GRM3: variants seen among roughly 807,000 people sequenced by gnomAD.
GRM3 encodes the protein glutamate metabotropic receptor 3.
A neutral mutation model predicts 70.5 loss-of-function variants in GRM3; 26 were observed. The ratio of observed to expected loss-of-function variants is 0.37; its 90% CI spans 0.27 to 0.51. GRM3 has a LOEUF of 0.51. Ranked by LOEUF, GRM3 falls within the 20% of genes least tolerant of loss-of-function variation. The pLI, the probability that GRM3 is intolerant of heterozygous loss-of-function variation, is 0.93. For synonymous variants in GRM3, 443 were observed against 434.9 expected, an observed-to-expected ratio of 1.02 and a Z score of -0.23; for missense variants, 859 against 1,123.8, an observed-to-expected ratio of 0.76 and a Z score of 3.37.
At chr7:86,684,516 C>T (rs754193176) in intron 1 of GRM3, among the ~76,000 whole-genome samples, 6 of 152,152 alleles carry the variant, frequency 3.9e-5, no homozygotes, top group Admixed American at 1.3e-4. Flanking sequence ...TTATGATTCT[C>T]GAAACTTTCA....
In GRM3 at chr7:86,717,850, C is replaced by A. The variant is rs4728650; in HGVS notation, c.-140-47156C>A. Among the ~76,000 whole-genome samples the A allele has an allele frequency of 9.8e-3, 1,495 of 151,878 alleles. 26 individuals carry two copies. The highest frequency in any genetic ancestry group is 0.052 in the East Asian group (265 of 5,134). ...ATTTCAAAAGCACGTAGGGAATATT[C>A]AGAACAGGAAGAAAACATGAAAAAG... On this transcript the variant is annotated intron_variant, in intron 1 of 5. Coordinates refer to ENST00000361669, the MANE Select transcript of GRM3 (RefSeq NM_000840.3).
At chr7:86,811,899 T>C (rs1277955633) in intron 3 of GRM3, among the ~76,000 whole-genome samples, 2 of 151,678 alleles carry the variant, frequency 1.3e-5, no homozygotes, top group Non-Finnish European at 3.0e-5. Context: ...GTGATATTTC[T>C]ATCCATGTAA....
chr7:86,783,778 T>C, intron 2 of GRM3, among the ~76,000 whole-genome samples: 1 of 152,204 alleles, frequency 6.6e-6, no homozygotes, highest in Non-Finnish European at 1.5e-5. Flanking sequence ...AATACTTCAC[T>C]CCATGATTCA....
intron 1 of GRM3, among the ~76,000 whole-genome samples, chr7:86,750,411 G>C (rs907746637): frequency 2.0e-5 from 3 of 152,032 alleles, no homozygotes; most frequent in African/African-American, 7.2e-5. Flanking sequence ...AAATGATGTA[G>C]GCTTTACTAG....
intron 2 of GRM3, among the ~76,000 whole-genome samples, chr7:86,782,555 G>C (rs1797099935): frequency 6.6e-6 from 1 of 152,106 alleles, no homozygotes; most frequent in Admixed American, 6.5e-5. Context: ...CAAAACAATA[G>C]CAATGACAAA....
chr7:86,716,193 T>C (rs1433516882), intron 1 of GRM3, among the ~76,000 whole-genome samples: 1 of 151,932 alleles, frequency 6.6e-6, no homozygotes, highest in African/African-American at 2.4e-5. Flanking sequence ...GGCTCAGGGT[T>C]TATGGTCATC....
At chr7:86,665,315 T>C (rs1793999028) in intron 1 of GRM3, among the ~76,000 whole-genome samples, 1 of 152,084 alleles carries the variant, frequency 6.6e-6, no homozygotes, top group Admixed American at 6.6e-5. Context: ...ATATACTATC[T>C]ACCTCACAAT....
intron 1 of GRM3, among the ~76,000 whole-genome samples, chr7:86,680,076 C>T (rs900255841): frequency 6.6e-6 from 1 of 152,084 alleles, no homozygotes; most frequent in Non-Finnish European, 1.5e-5. Context: ...TCTGACTGTC[C>T]TTTGCAGTAT....
chr7:86,833,052 G>C (rs1798385154), intron 3 of GRM3: 2 of 976,826 alleles, frequency 2.0e-6, no homozygotes, highest in Non-Finnish European at 2.4e-6. Flanking sequence ...TGCAACACCA[G>C]TGAAAGGTGA....
intron 3 of GRM3, among the ~76,000 whole-genome samples, chr7:86,824,726 A>G (rs1798196546): frequency 6.6e-6 from 1 of 152,232 alleles, no homozygotes; most frequent in Non-Finnish European, 1.5e-5. Flanking sequence ...TTGGATGTTA[A>G]CAATGCCCCA....
chr7:86,822,348 T>C (rs1798139864), intron 3 of GRM3, among the ~76,000 whole-genome samples: 1 of 151,910 alleles, frequency 6.6e-6, no homozygotes, highest in Non-Finnish European at 1.5e-5. Flanking sequence ...AAAAAATATA[T>C]AATGTGAGAG....
intron 1 of GRM3, among the ~76,000 whole-genome samples, chr7:86,679,455 C>T (rs1175722833): frequency 2.6e-5 from 4 of 152,058 alleles, no homozygotes; most frequent in Non-Finnish European, 2.9e-5. Context: ...TAGCTAAAAT[C>T]GTTCTGGGTG....
intron 5 of GRM3, among the ~76,000 whole-genome samples, chr7:86,855,674 G>A (rs1011526265): frequency 3.3e-5 from 5 of 152,146 alleles, no homozygotes; most frequent in African/African-American, 1.2e-4. Context: ...AAAAGATTAA[G>A]TGAACACTCT....
At chr7:86,646,127 A>G (rs1424542483) in intron 1 of GRM3, among the ~76,000 whole-genome samples, 3 of 151,950 alleles carry the variant, frequency 2.0e-5, no homozygotes, top group South Asian at 4.2e-4. Context: ...AGGCATTACT[A>G]AAGTAATCTA....
Position 86,787,572 on chromosome 7 carries a change from G to GAGAGAA in GRM3, c.1324+457_1324+462dup, listed in dbSNP as rs201989269. Among the ~76,000 whole-genome samples the GAGAGAA allele has an allele frequency of 8.5e-5, 13 of 152,286 alleles. 1 individual carries two copies. On this transcript the variant is annotated intron_variant, in intron 3 of 5. Transcript: ENST00000361669. Reference sequence around the variant, plus strand: ...AGTGGGTGACAGAGAGAGAGAGAGAGAGAGAAGTCACTGTTCTCCCAGAGC... The same window carrying GAGAGAA: ...AGTGGGTGACAGAGAGAGAGAGAGAGAGAGAAAGAGAAGTCACTGTTCTCCCAGAGC...
At chr7:86,801,128 T>TG (rs1797673620) in intron 3 of GRM3, among the ~76,000 whole-genome samples, 1 of 142,748 alleles carries the variant, frequency 7.0e-6, no homozygotes, top group Non-Finnish European at 1.5e-5. Flanking sequence ...TGGAGTGCAG[T>TG]GGCATGATCT....
chr7:86,819,046 G>T (rs1798068827), intron 3 of GRM3, among the ~76,000 whole-genome samples: 1 of 152,086 alleles, frequency 6.6e-6, no homozygotes, highest in African/African-American at 2.4e-5. Context: ...ATTGTAAGAT[G>T]AATTCGCTTG....
chr7:86,819,861 G>A (rs917760941), intron 3 of GRM3, among the ~76,000 whole-genome samples: 27 of 152,148 alleles, frequency 1.8e-4, no homozygotes, highest in Non-Finnish European at 2.9e-4. Context: ...AAAATAAAAT[G>A]AGAATAGAAG....
intron 2 of GRM3, among the ~76,000 whole-genome samples, chr7:86,784,978 T>G (rs1035245810): frequency 4.3e-4 from 65 of 152,376 alleles, no homozygotes; most frequent in African/African-American, 1.5e-3. Flanking sequence ...GATGAAATTA[T>G]GATTAATCGG....
Sources: gnomAD v4.1 joint callset for allele counts (sites outside exome capture counted in the v4.1 genomes callset) on GRCh38, gnomAD v4.1.1 for gene constraint, MANE v1.5 for transcripts, NCBI Gene and HGNC (gene_info 2026-07-23, HGNC 2026-07-21) for gene names.